The following TDRD3 variants were observed in gnomAD, a reference collection of about 807,000 sequenced individuals.
The protein encoded by TDRD3 is tudor domain-containing protein 3.
In TDRD3, 45 loss-of-function variants were observed where a neutral mutation model predicts 86.7. The ratio of observed to expected loss-of-function variants is 0.52; its 90% CI spans 0.41 to 0.67. The LOEUF is 0.67. Among genes scored for constraint, TDRD3 ranks in the 30% least tolerant of loss-of-function variants. TDRD3 has a pLI of 0.00. For missense variants in TDRD3, 814 were observed against 889.0 expected, an observed-to-expected ratio of 0.92 and a Z score of 1.07; for synonymous variants, 298 against 301.7, an observed-to-expected ratio of 0.99 and a Z score of 0.13.
intron 3 of TDRD3, among the ~76,000 whole-genome samples, chr13:60,459,020 AT>A (rs370765886): frequency 3.0e-4 from 46 of 152,048 alleles, no homozygotes; most frequent in African/African-American, 1.1e-3. Context: ...TCAACTTGGA[AT>A]TTTTTTTCGT....
intron 10 of TDRD3, among the ~76,000 whole-genome samples, chr13:60,521,851 C>T (rs945410480): frequency 9.9e-5 from 15 of 152,008 alleles, no homozygotes; most frequent in South Asian, 4.2e-4. Context: ...GAGCCGAGAT[C>T]GCACCATTGC....
chr13:60,442,293 C>A (rs958464944), intron 2 of TDRD3, among the ~76,000 whole-genome samples: 10 of 151,714 alleles, frequency 6.6e-5, no homozygotes, highest in African/African-American at 2.4e-4. Context: ...ATTTTTATTT[C>A]TTTTAAGATT....
intron 3 of TDRD3, among the ~76,000 whole-genome samples, chr13:60,458,699 T>A (rs1955734325): frequency 6.6e-6 from 1 of 152,228 alleles, no homozygotes; most frequent in Non-Finnish European, 1.5e-5. Context: ...CTCTGTGCTC[T>A]CCATATATAG....
chr13:60,513,989 G>T (rs988087914), intron 10 of TDRD3, among the ~76,000 whole-genome samples: 1 of 152,190 alleles, frequency 6.6e-6, no homozygotes, highest in Admixed American at 6.5e-5. Flanking sequence ...ACAGGCAGAG[G>T]TTGGAATGGT....
intron 1 of TDRD3, among the ~76,000 whole-genome samples, chr13:60,421,366 A>G (rs1418110227): frequency 6.6e-6 from 1 of 152,150 alleles, no homozygotes; most frequent in Non-Finnish European, 1.5e-5. Flanking sequence ...CTTACTTACT[A>G]TCACGAGAAT....
In TDRD3 at chr13:60,535,312, C is replaced by T. The variant is rs952643791; in HGVS notation, c.2118+79C>T. The T allele has an allele frequency of 1.1e-5, 16 of 1,424,708 alleles. No homozygotes were observed. The African/African-American group carries it at 1.3e-4, about 12-fold the overall frequency. The allele number at this position is 1,424,708 out of a possible 1,614,324, so 88.3% of individuals were successfully genotyped here. A position where few individuals can be genotyped will look rare whatever the true frequency, so the allele number is the denominator to read the frequency against. ...AGCTCTAAAGAATTAGATAGCCATACAAAATATGCAAGTGGAATCATATTT... is the reference window on the plus strand; with the variant it reads ...AGCTCTAAAGAATTAGATAGCCATATAAAATATGCAAGTGGAATCATATTT... On this transcript the variant is annotated intron_variant, in intron 12 of 13. Coordinates refer to ENST00000377881, the MANE Select transcript of TDRD3 (RefSeq NM_001146070.2).
chr13:60,435,790 T>C (rs968449600), intron 1 of TDRD3, among the ~76,000 whole-genome samples: 1 of 152,186 alleles, frequency 6.6e-6, no homozygotes, highest in African/African-American at 2.4e-5. Context: ...TACCCAGTAG[T>C]AGGATTGCTG....
At chr13:60,396,280 G>A (rs936686259), upstream of TDRD3, among the ~76,000 whole-genome samples, 8 of 152,330 alleles carry the variant, frequency 5.3e-5, no homozygotes, top group African/African-American at 1.7e-4. Context: ...CGCAATACGG[G>A]ACGCCGCAGA....
intron 1 of TDRD3, among the ~76,000 whole-genome samples, chr13:60,434,534 A>T (rs1335256126): frequency 6.6e-6 from 1 of 152,040 alleles, no homozygotes; most frequent in Non-Finnish European, 1.5e-5. Context: ...ATTTGAAGGT[A>T]AAATTAGTGA....
At position 60,467,855 on chromosome 13, in the gene TDRD3, C is replaced by T. The variant is rs192813916; in HGVS notation, c.495+476C>T. Among the ~76,000 whole-genome samples the T allele has an allele frequency of 4.3e-3, 655 of 152,274 alleles. 4 individuals are homozygous for T. The highest frequency in any genetic ancestry group is 0.015 in the African/African-American group (625 of 41,564). On this transcript the variant is annotated intron_variant, in intron 5 of 13. Coordinates refer to ENST00000377881, the MANE Select transcript of TDRD3 (RefSeq NM_001146070.2). ...CCATTTATATTAACAATATCTTCAT[C>T]TTTCCAGTCATGTAGGTTATCTTGT...
At chr13:60,506,414 C>A (rs180950095) in intron 8 of TDRD3, among the ~76,000 whole-genome samples, 1 of 152,112 alleles carries the variant, frequency 6.6e-6, no homozygotes, top group African/African-American at 2.4e-5. Context: ...AAGGAGCAAC[C>A]GGTACTAACC....
At chr13:60,455,293 C>T (rs1295826857) in intron 3 of TDRD3, among the ~76,000 whole-genome samples, 5 of 152,142 alleles carry the variant, frequency 3.3e-5, no homozygotes, top group Admixed American at 6.5e-5. Context: ...AAAAAGAGGT[C>T]GTCATAAGTG....
chr13:60,457,860 A>G (rs149087838), intron 3 of TDRD3, among the ~76,000 whole-genome samples: 131 of 152,184 alleles, frequency 8.6e-4, no homozygotes, highest in African/African-American at 3.1e-3. Context: ...AATGGTCTTT[A>G]TACTCTGTCT....
At chr13:60,472,953 T>G (rs1448320755) in intron 5 of TDRD3, among the ~76,000 whole-genome samples, 2 of 152,338 alleles carry the variant, frequency 1.3e-5, no homozygotes, top group Middle Eastern at 3.4e-3. Flanking sequence ...ATGGAAAGTT[T>G]TAATTCTACT....
intron 12 of TDRD3, among the ~76,000 whole-genome samples, chr13:60,559,529 C>A (rs1035985088): frequency 6.6e-6 from 1 of 152,122 alleles, no homozygotes; most frequent in Non-Finnish European, 1.5e-5. Flanking sequence ...TCAACAAAGA[C>A]AATAATCATT....
intron 10 of TDRD3, among the ~76,000 whole-genome samples, chr13:60,513,669 A>G (rs1439187342): frequency 2.0e-5 from 3 of 152,108 alleles, no homozygotes; most frequent in Non-Finnish European, 2.9e-5. Flanking sequence ...TGTTCTTGTG[A>G]TAGTGTAAGT....
At chr13:60,533,511 C>T (rs1344937273) in intron 11 of TDRD3, among the ~76,000 whole-genome samples, 1 of 152,028 alleles carries the variant, frequency 6.6e-6, no homozygotes, top group African/African-American at 2.4e-5. Flanking sequence ...TGTAGTAGCA[C>T]GTGCCTGTAA....
intron 3 of TDRD3, among the ~76,000 whole-genome samples, chr13:60,452,314 C>T (rs1955568822): frequency 6.6e-6 from 1 of 151,748 alleles, no homozygotes; most frequent in African/African-American, 2.4e-5. Flanking sequence ...TTACTATTTC[C>T]TCTGTTACTG....
intron 7 of TDRD3, among the ~76,000 whole-genome samples, chr13:60,487,168 A>T (rs1446026445): frequency 6.6e-6 from 1 of 152,208 alleles, no homozygotes; most frequent in South Asian, 2.1e-4. Flanking sequence ...TTTATACCAT[A>T]TAAGGAATTA....
Sources: allele counts gnomAD v4.1 joint callset (sites outside exome capture counted in the v4.1 genomes callset), GRCh38; gene constraint gnomAD v4.1.1; transcripts MANE v1.5; gene names NCBI Gene and HGNC (gene_info 2026-07-23, HGNC 2026-07-21).